MYO9B: variants seen among roughly 807,000 people sequenced by gnomAD.
MYO9B encodes the protein unconventional myosin-IXb.
In MYO9B, 71 loss-of-function variants were observed where a neutral mutation model predicts 229.5. The ratio of observed to expected loss-of-function variants is 0.31; its 90% CI spans 0.26 to 0.38. MYO9B has a LOEUF of 0.38. Among genes scored for constraint, MYO9B ranks in the 10% least tolerant of loss-of-function variants. The pLI, the probability that MYO9B is intolerant of heterozygous loss-of-function variation, is 1.00. For synonymous variants in MYO9B, 1,185 were observed against 1,235.8 expected, an observed-to-expected ratio of 0.96 and a Z score of 0.86; for missense variants, 2,255 against 2,920.5, an observed-to-expected ratio of 0.77 and a Z score of 5.25.
At chr19:17,145,145 G>A (rs551435578) in intron 2 of MYO9B, among the ~76,000 whole-genome samples, 1 of 151,784 alleles carries the variant, frequency 6.6e-6, no homozygotes, top group Non-Finnish European at 1.5e-5. Flanking sequence ...GCATGGTAGC[G>A]CACATCTGTA....
chr19:17,093,858 A>AATTAATTTATTT (rs375581946), intron 1 of MYO9B, among the ~76,000 whole-genome samples: 1 of 145,568 alleles, frequency 6.9e-6, no homozygotes, highest in African/African-American at 2.6e-5. Context: ...ATGCCCAGCT[A>AATTAATTTATTT]ATTTATTTAT....
In MYO9B at chr19:17,180,987, C is replaced by A; in HGVS notation, c.2280C>A (p.Pro760=). 1 of 1,611,450 alleles carries A rather than the reference C, an allele frequency of 6.2e-7. No homozygotes were observed. ...GATTGCCCTGGCAGGGCGAGGACCCCCGTAGCCTTCTCCAGTCCCTCAGTC... is the reference window on the plus strand; with the variant it reads ...GATTGCCCTGGCAGGGCGAGGACCCACGTAGCCTTCTCCAGTCCCTCAGTC... ...IKGLPWQGED[P]RSLLQSLSRL... Residue 760 remains proline (P), a synonymous_variant, in exon 15 of 40, where the codon CCC becomes CCA. Coordinates refer to ENST00000682292, the MANE Select transcript of MYO9B (RefSeq NM_004145.4).
chr19:17,077,831 G>T (rs1222803191), intron 1 of MYO9B, among the ~76,000 whole-genome samples: 2 of 152,190 alleles, frequency 1.3e-5, no homozygotes, highest in African/African-American at 4.8e-5. Flanking sequence ...ATCCAAAAAT[G>T]ATTTTTTTTC....
intron 11 of MYO9B, among the ~76,000 whole-genome samples, chr19:17,170,245 C>T (rs997965753): frequency 1.3e-5 from 2 of 152,060 alleles, no homozygotes; most frequent in Admixed American, 6.6e-5. Context: ...CTAGGTCCCA[C>T]GCTAATGACC....
In MYO9B at chr19:17,101,185, T is replaced by G. The variant is rs933910023; in HGVS notation, c.-58-475T>G. Among the ~76,000 whole-genome samples the G allele has an allele frequency of 1.0e-3, 152 of 150,788 alleles. No individual in the cohort carries two copies. Among genetic ancestry groups the G allele is most frequent in the African/African-American group, 3.6e-3 (147 of 41,114 alleles). ...ATGTCACTTGTAAAAGCCACTGTAT[T>G]TTTTTTTAAGTGACAGGGTCTCTCT... is the stretch of plus-strand genomic sequence containing the variant. On this transcript the variant is annotated intron_variant, in intron 1 of 39. Coordinates refer to ENST00000682292, the MANE Select transcript of MYO9B (RefSeq NM_004145.4). The surrounding 1 kb of genome is among the most constrained non-coding windows in gnomAD (Gnocchi z 4.7).
At chr19:17,106,404 C>T (rs977135250) in intron 2 of MYO9B, among the ~76,000 whole-genome samples, 1 of 152,186 alleles carries the variant, frequency 6.6e-6, no homozygotes, top group Non-Finnish European at 1.5e-5. Flanking sequence ...AGGTAGAACT[C>T]GGGGAAGACT....
chr19:17,085,080 G>C (rs561660664), intron 1 of MYO9B, among the ~76,000 whole-genome samples: 1 of 152,240 alleles, frequency 6.6e-6, no homozygotes, highest in South Asian at 2.1e-4. Context: ...TTTCTCCCCT[G>C]CCTTTGTGGT....
chr19:17,093,332 CAAA>C (rs200288865), intron 1 of MYO9B, among the ~76,000 whole-genome samples: 1 of 133,146 alleles, frequency 7.5e-6, no homozygotes. Context: ...ACTCCCATTT[CAAA>C]AAAAAAAAAA....
intron 3 of MYO9B, among the ~76,000 whole-genome samples, chr19:17,148,710 A>C (rs190393498): frequency 1.2e-3 from 187 of 152,238 alleles, no homozygotes; most frequent in African/African-American, 4.2e-3. Flanking sequence ...CAGTCTCCCA[A>C]GTAGCTGGGA....
intron 2 of MYO9B, among the ~76,000 whole-genome samples, chr19:17,112,299 G>A (rs1482554197): frequency 4.6e-5 from 7 of 152,132 alleles, no homozygotes; most frequent in East Asian, 1.9e-4. Context: ...ACCAGGAGCC[G>A]GGGTGGGAGG....
At chr19:17,126,060 G>GCC (rs1456002921) in intron 2 of MYO9B, among the ~76,000 whole-genome samples, 1 of 152,228 alleles carries the variant, frequency 6.6e-6, no homozygotes, top group East Asian at 1.9e-4. Flanking sequence ...TCTTCCTTGT[G>GCC]CCTGGCTGGC....
intron 2 of MYO9B, among the ~76,000 whole-genome samples, chr19:17,124,681 A>G (rs920724141): frequency 2.0e-5 from 3 of 151,186 alleles, no homozygotes; most frequent in Non-Finnish European, 4.4e-5. Flanking sequence ...AATTGCTCAA[A>G]TCTGGGAGGC....
At chr19:17,201,524 CCT>C (rs2073106047) in intron 26 of MYO9B, among the ~76,000 whole-genome samples, 1 of 152,108 alleles carries the variant, frequency 6.6e-6, no homozygotes, top group Non-Finnish European at 1.5e-5. Flanking sequence ...GTGTTGAGCC[CCT>C]GTGTGGGGCA....
Position 17,193,100 on chromosome 19 carries a change from G to C in MYO9B, c.3128+38G>C. 1 of 1,422,238 alleles carries C rather than the reference G, an allele frequency of 7.0e-7. No individual in the cohort carries two copies. Among genetic ancestry groups the C allele is most frequent in the Non-Finnish European group, 9.2e-7 (1 of 1,089,114 alleles). 88.1% of individuals were successfully genotyped at this position (1,422,238 alleles called of 1,614,324 possible). A position where few individuals can be genotyped will look rare whatever the true frequency, so the allele number is the denominator to read the frequency against. On this transcript the variant is annotated intron_variant, in intron 21 of 39. Transcript: ENST00000682292. The surrounding 1 kb of genome is among the most constrained non-coding windows in gnomAD (Gnocchi z 4.3). ...GGGCCACGCTCCTCGGAATATTCCA[G>C]AAGCCAAAAAGGTCACTCACCAAAT...
chr19:17,131,659 G>A (rs2072197684), intron 2 of MYO9B, among the ~76,000 whole-genome samples: 1 of 152,178 alleles, frequency 6.6e-6, no homozygotes, highest in Admixed American at 6.6e-5. Context: ...GCGTTTGGAA[G>A]GCGGCCAGAC....
chr19:17,163,364 C>G (rs2145320241), intron 10 of MYO9B, among the ~76,000 whole-genome samples: 2 of 145,332 alleles, frequency 1.4e-5, no homozygotes, highest in South Asian at 4.3e-4. Context: ...TGAACTCACC[C>G]CATTCCACTT....
chr19:17,101,940 G>A lies in MYO9B; in HGVS notation c.223G>A (p.Glu75Lys). Residue 75 changes from glutamate (E) to lysine (K), a missense_variant, in exon 2 of 40, where the codon GAA becomes AAA. Physicochemically the swap from Glu to Lys is moderately conservative, Grantham distance 56. Transcript: ENST00000682292. The surrounding 1 kb of genome is among the most constrained non-coding windows in gnomAD (Gnocchi z 4.7). ...LVEVKESGGE[E>K]WVLDANDSPV... Reference sequence around the variant, plus strand: ...GGAGGTCAAAGAGTCGGGAGGCGAGGAATGGGTGCTGGACGCCAACGACTC... The same window carrying A: ...GGAGGTCAAAGAGTCGGGAGGCGAGAAATGGGTGCTGGACGCCAACGACTC... 6.2e-7 allele frequency: 1 copy of A among 1,613,598 alleles called. No individual in the cohort carries two copies. Among genetic ancestry groups the A allele is most frequent in the Non-Finnish European group, 8.5e-7 (1 of 1,179,860 alleles).
chr19:17,101,680 G>C lies in MYO9B; in HGVS notation c.-38G>C. 2 of 1,519,008 alleles carry C rather than the reference G, an allele frequency of 1.3e-6. No homozygotes were observed. Among genetic ancestry groups the C allele is most frequent in the South Asian group, 2.4e-5 (2 of 82,636 alleles). The allele number at this position is 1,519,008 out of a possible 1,614,324, so 94.1% of individuals were successfully genotyped here. On this transcript the variant is annotated 5_prime_UTR_variant, in exon 2 of 40. Transcript: ENST00000682292. The surrounding 1 kb of genome is among the most constrained non-coding windows in gnomAD (Gnocchi z 4.7). ...TCTAGCTCCAGGACACGCGCGCCCC[G>C]AGCCTGGGAGGCATGCTGAAGCCAG...
intron 1 of MYO9B, among the ~76,000 whole-genome samples, chr19:17,098,323 C>T (rs1036655317): frequency 2.0e-5 from 3 of 152,096 alleles, no homozygotes; most frequent in African/African-American, 7.2e-5. Flanking sequence ...CCAAAGTGCT[C>T]GGATTACAAG....
Sources: gnomAD v4.1 joint callset for allele counts (sites outside exome capture counted in the v4.1 genomes callset) on GRCh38, gnomAD v4.1.1 for gene constraint, Gnocchi (gnomAD v3.1) non-coding constraint, MANE v1.5 for transcripts, NCBI Gene and HGNC (gene_info 2026-07-23, HGNC 2026-07-21) for gene names.